The following DGKZ variants were observed in gnomAD, a reference collection of about 807,000 sequenced individuals.
DGKZ encodes the protein diacylglycerol kinase zeta.
Under a neutral mutation model 142.5 loss-of-function variants are expected in DGKZ, and 45 were observed. The ratio of observed to expected loss-of-function variants is 0.32; its 90% CI spans 0.25 to 0.40. The LOEUF (loss-of-function observed/expected upper bound fraction) is 0.40, where lower values mean the gene tolerates loss of function less well. Among genes scored for constraint, DGKZ ranks in the 10% least tolerant of loss-of-function variants. The pLI, the probability that DGKZ is intolerant of heterozygous loss-of-function variation, is 1.00. For synonymous variants in DGKZ, 442 were observed against 527.0 expected (o/e 0.84, Z 2.21); for missense variants, 755 against 1,306.5 (o/e 0.58, Z 6.51).
At chr11:46,333,146 C>T in exon 1 of DGKZ, 1 of 794,914 alleles carries the variant, frequency 1.3e-6, no homozygotes, top group Non-Finnish European at 1.7e-6. Flanking sequence ...GTCGGCGTCG[C>T]TAGGGACCTG....
intron 1 of DGKZ, among the ~76,000 whole-genome samples, chr11:46,334,012 C>T (rs1021881521): frequency 6.6e-6 from 1 of 152,156 alleles, no homozygotes; most frequent in Non-Finnish European, 1.5e-5. Context: ...GGCTGGCAAC[C>T]TCCAGGGGCA....
chr11:46,364,429 T>C (rs1720689963), intron 1 of DGKZ: 2 of 1,287,180 alleles, frequency 1.6e-6, no homozygotes, highest in Non-Finnish European at 2.0e-6. Context: ...TCTCCACCCA[T>C]GCCTGCTGTC....
At chr11:46,377,408 C>G (rs1944674075) in intron 25 of DGKZ, 196 bp downstream of exon 25, 3 of 1,058,562 alleles carry the variant, frequency 2.8e-6, no homozygotes, top group Non-Finnish European at 3.9e-6. Flanking sequence ...CTGGTTCCCT[C>G]CCTGACTTCT....
chr11:46,367,498 C>T lies in DGKZ; in HGVS notation c.270+99C>T, dbSNP rs541938552. On this transcript the variant is annotated intron_variant, in intron 2 of 30. Coordinates refer to ENST00000527911, the Ensembl canonical transcript of DGKZ. This position sits in a 1 kb window ranked among gnomAD's most constrained non-coding sequence, Gnocchi z 4.1. ...CTAAAGGCAGCTGGGAGAGCCAAGC[C>T]TGGAAGGGTTGGGACAGTGGGGCAG... 1.5e-5 allele frequency: 21 copies of T among 1,406,180 alleles called. No homozygotes were observed. In the East Asian group the frequency reaches 5.0e-4, roughly 34 times the overall value. The allele number at this position is 1,406,180 out of a possible 1,614,324, so 87.1% of individuals were successfully genotyped here.
chr11:46,337,807 G>T (rs1185901133), intron 1 of DGKZ, among the ~76,000 whole-genome samples: 1 of 152,118 alleles, frequency 6.6e-6, no homozygotes, highest in Non-Finnish European at 1.5e-5. Flanking sequence ...GGAGGGAGGG[G>T]GTGTCCAATG....
intron 1 of DGKZ, among the ~76,000 whole-genome samples, chr11:46,340,099 C>T (rs1940204757): frequency 6.6e-6 from 1 of 152,234 alleles, no homozygotes; most frequent in Non-Finnish European, 1.5e-5. Context: ...GTGTTGAGAT[C>T]ACAGAGCCAG....
At chr11:46,352,085 C>T (rs1282217930) in intron 1 of DGKZ, among the ~76,000 whole-genome samples, 1 of 152,216 alleles carries the variant, frequency 6.6e-6, no homozygotes, top group Non-Finnish European at 1.5e-5. Flanking sequence ...ACGGGCCTGC[C>T]CTCCTCGGCT....
chr11:46,379,123 A>G lies in DGKZ; in HGVS notation c.2539+12A>G, dbSNP rs748624946. The G allele has an allele frequency of 4.0e-5, 64 of 1,609,936 alleles. No homozygotes were observed. The highest frequency in any genetic ancestry group is 5.4e-5 in the Non-Finnish European group (64 of 1,179,344). On this transcript the variant is annotated intron_variant, in intron 28 of 30. Coordinates refer to ENST00000527911, the Ensembl canonical transcript of DGKZ. Reference sequence around the variant, plus strand: ...CCTGCTGGACCACGGTGAGCCGGGCAGTGGAGCCCAGGGCCTGGGGCCAAG... The same window carrying G: ...CCTGCTGGACCACGGTGAGCCGGGCGGTGGAGCCCAGGGCCTGGGGCCAAG...
At position 46,367,925 on chromosome 11, in the gene DGKZ, G is replaced by A; in HGVS notation, c.367-77G>A. 1 of 1,562,492 alleles carries A rather than the reference G, an allele frequency of 6.4e-7. No individual in the cohort carries two copies. Among genetic ancestry groups the A allele is most frequent in the Middle Eastern group, 1.7e-4 (1 of 5,974 alleles). On this transcript the variant is annotated intron_variant, in intron 3 of 30. Transcript: ENST00000527911. This position sits in a 1 kb window ranked among gnomAD's most constrained non-coding sequence, Gnocchi z 4.1. The stretch of plus-strand genomic sequence containing the variant: ...CTGGGGCTTCCCAGTGCACACAAAG[G>A]GCAGCTGTGCTGGGGCAGGCAGCCT...
At chr11:46,333,309 T>C in exon 1 of DGKZ, 1 of 1,294,842 alleles carries the variant, frequency 7.7e-7, no homozygotes, top group African/African-American at 1.6e-5. Context: ...AGGGCAGCGC[T>C]GGGACTGGGC....
At chr11:46,347,301 T>C, upstream of DGKZ, 1 of 984,956 alleles carries the variant, frequency 1.0e-6, no homozygotes, top group Non-Finnish European at 1.2e-6. This position sits in a 1 kb window ranked among gnomAD's most constrained non-coding sequence, Gnocchi z 6.4. Context: ...CCCCGCCCAT[T>C]CGTCGCCCCG....
At chr11:46,347,408 C>T (rs1168517253), upstream of DGKZ, 3 of 983,284 alleles carry the variant, frequency 3.1e-6, no homozygotes, top group African/African-American at 3.5e-5. The surrounding 1 kb of genome is among the most constrained non-coding windows in gnomAD (Gnocchi z 6.4). Context: ...GCGTGCTCGG[C>T]GGCGGGCAGG....
intron 1 of DGKZ, among the ~76,000 whole-genome samples, chr11:46,360,369 C>T (rs1942505614): frequency 6.6e-6 from 1 of 151,868 alleles, no homozygotes; most frequent in African/African-American, 2.4e-5. Context: ...CTTTTGGGAT[C>T]TTCACCAATT....
At chr11:46,375,313 C>A in intron 19 of DGKZ, 119 bp from the exon 20 acceptor site, 1 of 1,213,486 alleles carries the variant, frequency 8.2e-7, no homozygotes, top group Non-Finnish European at 1.1e-6. Flanking sequence ...TGCCCTCTGG[C>A]CAGGGGTCAC....
intron 1 of DGKZ, among the ~76,000 whole-genome samples, chr11:46,359,456 T>C (rs1942392950): frequency 6.6e-6 from 1 of 151,974 alleles, no homozygotes; most frequent in African/African-American, 2.4e-5. Context: ...AAAAATAAAA[T>C]AAAATAAAAT....
chr11:46,367,057 G>C lies in DGKZ; in HGVS notation c.162-234G>C. ...GTCTGGCCTGGGCATGGGCCTTGAA[G>C]CTCTGCCTGGCTGAGGGTTCCCCAC... is the stretch of plus-strand genomic sequence containing the variant. On this transcript the variant is annotated intron_variant, in intron 1 of 30. Coordinates refer to ENST00000527911, the Ensembl canonical transcript of DGKZ. The surrounding 1 kb of genome is among the most constrained non-coding windows in gnomAD (Gnocchi z 4.1). 6.9e-7 allele frequency: 1 copy of C among 1,455,300 alleles called. No individual in the cohort carries two copies. Among genetic ancestry groups the C allele is most frequent in the Non-Finnish European group, 9.1e-7 (1 of 1,099,998 alleles). The allele number at this position is 1,455,300 out of a possible 1,614,324, so 90.1% of individuals were successfully genotyped here.
intron 1 of DGKZ, among the ~76,000 whole-genome samples, chr11:46,355,993 G>T (rs1386946295): frequency 6.6e-6 from 1 of 152,174 alleles, no homozygotes; most frequent in African/African-American, 2.4e-5. Flanking sequence ...TGATCTGCCC[G>T]CCTCAGCCTC....
chr11:46,358,758 TTATTCACTTCCTAG>T (rs1411470359), intron 1 of DGKZ, among the ~76,000 whole-genome samples: 4 of 152,238 alleles, frequency 2.6e-5, no homozygotes, highest in African/African-American at 9.6e-5. Context: ...TGGAAACCTT[TTATTCACTTCCTAG>T]AGCCTGACGG....
At chr11:46,356,143 C>G (rs939715832) in intron 1 of DGKZ, among the ~76,000 whole-genome samples, 1 of 152,154 alleles carries the variant, frequency 6.6e-6, no homozygotes, top group African/African-American at 2.4e-5. Context: ...AAGGATGGGA[C>G]GGTCACCAGA....
Sources: gnomAD v4.1 joint callset for allele counts (sites outside exome capture counted in the v4.1 genomes callset) on GRCh38, gnomAD v4.1.1 for gene constraint, Gnocchi (gnomAD v3.1) non-coding constraint, MANE v1.5 for transcripts, NCBI Gene and HGNC (gene_info 2026-07-23, HGNC 2026-07-21) for gene names.